The following ADGRB3 variants were observed in gnomAD, a reference collection of about 807,000 sequenced individuals.
ADGRB3 encodes adhesion G protein-coupled receptor B3.
Under a neutral mutation model 193.4 loss-of-function variants are expected in ADGRB3, and 37 were observed. The observed-to-expected ratio is 0.19, with a 90% confidence interval of 0.15 to 0.25. The LOEUF (loss-of-function observed/expected upper bound fraction) is 0.25, where lower values mean the gene tolerates loss of function less well. ADGRB3 is among the 10% of genes least tolerant of loss of function. The pLI is 1.00. For synonymous variants in ADGRB3, 690 were observed against 644.2 expected (o/e 1.07, Z -1.08); for missense variants, 1,637 against 1,852.9 (o/e 0.88, Z 2.14).
chr6:68,993,689 A>G, intron 10 of ADGRB3, 79 bp from the exon 11 acceptor site: 2 of 1,418,258 alleles, frequency 1.4e-6, no homozygotes, highest in Non-Finnish European at 9.6e-7. Context: ...GCAATTTTAA[A>G]TAAAGTTGTT....
chr6:69,265,869 C>T (rs1316117353), intron 20 of ADGRB3, among the ~76,000 whole-genome samples: 1 of 151,918 alleles, frequency 6.6e-6, no homozygotes, highest in African/African-American at 2.4e-5. Flanking sequence ...CTGTAGAAGA[C>T]AAATGACTCT....
intron 3 of ADGRB3, among the ~76,000 whole-genome samples, chr6:68,905,284 G>T (rs1766510815): frequency 6.6e-6 from 1 of 152,122 alleles, no homozygotes; most frequent in Non-Finnish European, 1.5e-5. Context: ...CAATTCTGAA[G>T]TTTGCTTCGT....
chr6:69,020,698 A>G (rs1271860726), intron 13 of ADGRB3, among the ~76,000 whole-genome samples: 1 of 151,960 alleles, frequency 6.6e-6, no homozygotes, highest in Non-Finnish European at 1.5e-5. Context: ...ATGTTCTGTG[A>G]GTAAAAATTC....
At chr6:68,992,263 GAAAATCTGAAGTCATGAAACGC>G (rs1444557651) in intron 10 of ADGRB3, among the ~76,000 whole-genome samples, 1 of 152,132 alleles carries the variant, frequency 6.6e-6, no homozygotes, top group Non-Finnish European at 1.5e-5. Flanking sequence ...TATCTATTGT[GAAAATCTGAAGTCATGAAACGC>G]ATGACCTGAA....
At chr6:68,933,286 C>A (rs748538347) in intron 4 of ADGRB3, among the ~76,000 whole-genome samples, 5 of 152,096 alleles carry the variant, frequency 3.3e-5, no homozygotes, top group Non-Finnish European at 5.9e-5. Flanking sequence ...AGCATTTTAT[C>A]TAAAATTTTA....
At chr6:68,943,720 A>G in intron 5 of ADGRB3, 110 bp from the exon 6 acceptor site, 1 of 861,044 alleles carries the variant, frequency 1.2e-6, no homozygotes, top group Non-Finnish European at 1.7e-6. Flanking sequence ...GAGTTTTAAC[A>G]TATCTTTACA....
chr6:69,190,321 G>A (rs928996199), intron 17 of ADGRB3, among the ~76,000 whole-genome samples: 2 of 151,956 alleles, frequency 1.3e-5, no homozygotes. Context: ...TGACGATCCC[G>A]ACCCTGGGTA....
intron 31 of ADGRB3, among the ~76,000 whole-genome samples, chr6:69,384,095 A>C (rs1230177751): frequency 1.3e-5 from 2 of 151,972 alleles, no homozygotes; most frequent in Non-Finnish European, 2.9e-5. Flanking sequence ...GTACTAGTAC[A>C]ATTCCAGTTG....
chr6:69,347,297 G>GCA (rs1441393160), intron 26 of ADGRB3, among the ~76,000 whole-genome samples: 5 of 152,072 alleles, frequency 3.3e-5, no homozygotes, highest in Non-Finnish European at 7.4e-5. Context: ...CATGGCACAT[G>GCA]TATACCTATG....
chr6:69,077,474 G>A (rs1174444186), intron 17 of ADGRB3, among the ~76,000 whole-genome samples: 1 of 151,772 alleles, frequency 6.6e-6, no homozygotes, highest in African/African-American at 2.4e-5. Flanking sequence ...GGTAGAATCT[G>A]CTTCTTTGTT....
intron 8 of ADGRB3, among the ~76,000 whole-genome samples, chr6:68,967,880 G>A (rs1264041294): frequency 6.6e-6 from 1 of 152,026 alleles, no homozygotes; most frequent in Non-Finnish European, 1.5e-5. Context: ...CATGAGTCAT[G>A]CAGACATGTT....
At chr6:68,877,442 G>T (rs1765624932) in intron 3 of ADGRB3, among the ~76,000 whole-genome samples, 2 of 151,916 alleles carry the variant, frequency 1.3e-5, no homozygotes, top group South Asian at 4.1e-4. Flanking sequence ...CTCATAATTT[G>T]TAACATTAAG....
At chr6:68,725,920 G>A (rs1395827983) in intron 3 of ADGRB3, among the ~76,000 whole-genome samples, 1 of 151,534 alleles carries the variant, frequency 6.6e-6, no homozygotes. Flanking sequence ...TGTTGTCTTG[G>A]TAGTCAAGAT....
chr6:68,668,650 T>C (rs999468555), intron 3 of ADGRB3, among the ~76,000 whole-genome samples: 2 of 151,924 alleles, frequency 1.3e-5, no homozygotes, highest in African/African-American at 4.8e-5. Flanking sequence ...CCCTGTAATT[T>C]TCTTAAGTTT....
intron 15 of ADGRB3, among the ~76,000 whole-genome samples, chr6:69,062,562 G>A (rs1478702443): frequency 6.6e-6 from 1 of 151,524 alleles, no homozygotes; most frequent in Non-Finnish European, 1.5e-5. Context: ...TTTGATCTCC[G>A]AGAGAACAAA....
chr6:69,225,017 C>G (rs184509243), intron 17 of ADGRB3, among the ~76,000 whole-genome samples: 1 of 152,264 alleles, frequency 6.6e-6, no homozygotes, highest in African/African-American at 2.4e-5. Context: ...TACATCCTGT[C>G]ATGATCTCTG....
intron 17 of ADGRB3, among the ~76,000 whole-genome samples, chr6:69,103,270 A>G (rs1458156381): frequency 6.6e-6 from 1 of 152,208 alleles, no homozygotes; most frequent in Non-Finnish European, 1.5e-5. Context: ...TAAATGGGTT[A>G]TAACTATGCA....
intron 17 of ADGRB3, among the ~76,000 whole-genome samples, chr6:69,091,666 G>A (rs1238131296): frequency 6.6e-6 from 1 of 151,950 alleles, no homozygotes; most frequent in African/African-American, 2.4e-5. Context: ...GGAGGGAAAG[G>A]ATTAAGAAAA....
chr6:69,328,249 GA>G (rs1206190470), intron 22 of ADGRB3, among the ~76,000 whole-genome samples: 2 of 152,098 alleles, frequency 1.3e-5, no homozygotes, highest in African/African-American at 4.8e-5. Context: ...TTCCATTGAT[GA>G]TAATGTGTAT....
Sources: allele counts gnomAD v4.1 joint callset (sites outside exome capture counted in the v4.1 genomes callset), GRCh38; gene constraint gnomAD v4.1.1; transcripts MANE v1.5; gene names NCBI Gene and HGNC (gene_info 2026-07-23, HGNC 2026-07-21).